The following ZSWIM5 variants were observed in gnomAD, a reference collection of about 807,000 sequenced individuals.
The protein encoded by ZSWIM5 is zinc finger SWIM domain-containing protein 5.
Under a neutral mutation model 119.6 loss-of-function variants are expected in ZSWIM5, and 55 were observed. The ratio of observed to expected loss-of-function variants is 0.46; its 90% CI spans 0.37 to 0.58. The LOEUF (loss-of-function observed/expected upper bound fraction) is 0.58. ZSWIM5 is among the 20% of genes least tolerant of loss of function. ZSWIM5 has a pLI of 0.00. For missense variants in ZSWIM5, 1,193 were observed against 1,512.8 expected (o/e 0.79, Z 3.51); for synonymous variants, 537 against 606.9 (o/e 0.88, Z 1.69).
chr1:45,091,491 TAAAAAA>T (rs35089745), intron 1 of ZSWIM5, among the ~76,000 whole-genome samples: 78 of 104,320 alleles, frequency 7.5e-4, no homozygotes, highest in African/African-American at 2.9e-3. Context: ...ACCCTGTCTC[TAAAAAA>T]AAAAAAAAAA....
chr1:45,108,342 T>TG (rs149398201), intron 1 of ZSWIM5, among the ~76,000 whole-genome samples: 9,539 of 152,110 alleles, frequency 0.063, 349 homozygotes, highest in East Asian at 0.11. Flanking sequence ...GGGAGGACAG[T>TG]GGGGGAGGGG....
At chr1:45,199,154 G>A (rs1398260102) in intron 1 of ZSWIM5, among the ~76,000 whole-genome samples, 1 of 151,626 alleles carries the variant, frequency 6.6e-6, no homozygotes, top group African/African-American at 2.4e-5. Context: ...AACCATTTTA[G>A]TGTGTGTGTA....
chr1:45,076,764 A>G (rs1202700466), intron 2 of ZSWIM5, among the ~76,000 whole-genome samples: 2 of 152,030 alleles, frequency 1.3e-5, no homozygotes, highest in African/African-American at 4.8e-5. Flanking sequence ...GCTATATTCT[A>G]GATCTTGTAG....
chr1:45,110,012 ACAC>A (rs1467144063), intron 1 of ZSWIM5, among the ~76,000 whole-genome samples: 1 of 151,984 alleles, frequency 6.6e-6, no homozygotes, highest in Admixed American at 6.6e-5. Context: ...CCACAGATGC[ACAC>A]CACCACACCT....
At chr1:45,126,208 C>A (rs1186833920) in intron 1 of ZSWIM5, among the ~76,000 whole-genome samples, 2 of 142,870 alleles carry the variant, frequency 1.4e-5, no homozygotes, top group Non-Finnish European at 1.5e-5. Context: ...AGAAGAAATC[C>A]ATGAAACTGA....
At chr1:45,063,596 C>G (rs994510849) in intron 2 of ZSWIM5, among the ~76,000 whole-genome samples, 3 of 152,174 alleles carry the variant, frequency 2.0e-5, no homozygotes, top group African/African-American at 7.2e-5. Context: ...TGGCTTATGA[C>G]ATTCTTTTCC....
At chr1:45,052,305 C>T (rs1016149646) in intron 4 of ZSWIM5, among the ~76,000 whole-genome samples, 4 of 152,110 alleles carry the variant, frequency 2.6e-5, no homozygotes, top group South Asian at 4.2e-4. Flanking sequence ...GGATTACAGG[C>T]GTGAGCCACC....
intron 1 of ZSWIM5, among the ~76,000 whole-genome samples, chr1:45,185,373 T>C (rs1646051488): frequency 6.6e-6 from 1 of 151,260 alleles, no homozygotes; most frequent in Non-Finnish European, 1.5e-5. Context: ...CCAAAAGCAA[T>C]GGCAACAAAA....
chr1:45,147,584 C>CAAAAAAAAA (rs11409330), intron 1 of ZSWIM5, among the ~76,000 whole-genome samples: 1 of 93,318 alleles, frequency 1.1e-5, no homozygotes, highest in Non-Finnish European at 1.9e-5. Context: ...TTTACACATG[C>CAAAAAAAAA]AAAAAAAAAA....
At chr1:45,059,518 GAC>G (rs1645141242) in intron 3 of ZSWIM5, among the ~76,000 whole-genome samples, 1 of 152,122 alleles carries the variant, frequency 6.6e-6, no homozygotes, top group South Asian at 2.1e-4. Context: ...AGACATAGAG[GAC>G]AAGGGAGGGA....
chr1:45,136,716 T>C (rs1645692683), intron 1 of ZSWIM5, among the ~76,000 whole-genome samples: 1 of 152,178 alleles, frequency 6.6e-6, no homozygotes, highest in African/African-American at 2.4e-5. Flanking sequence ...GCAATTAAGC[T>C]AAAGGAAGAT....
chr1:45,183,900 G>A (rs1466910348), intron 1 of ZSWIM5, among the ~76,000 whole-genome samples: 2 of 152,216 alleles, frequency 1.3e-5, no homozygotes, highest in African/African-American at 4.8e-5. Context: ...CTCATTTTAT[G>A]AGGCCAGCAT....
chr1:45,062,697 G>A (rs1382737656), intron 2 of ZSWIM5, among the ~76,000 whole-genome samples: 1 of 152,012 alleles, frequency 6.6e-6, no homozygotes, highest in East Asian at 1.9e-4. Flanking sequence ...TGTAGAGATA[G>A]GGTCTTGCTA....
intron 1 of ZSWIM5, among the ~76,000 whole-genome samples, chr1:45,139,463 C>CCTCT (rs1553197877): frequency 7.8e-4 from 111 of 141,596 alleles, no homozygotes; most frequent in Admixed American, 1.9e-3. Flanking sequence ...CCTCTCCCTC[C>CCTCT]CTCTCTCTCT....
intron 1 of ZSWIM5, among the ~76,000 whole-genome samples, chr1:45,177,936 T>C (rs1645990908): frequency 6.6e-6 from 1 of 151,728 alleles, no homozygotes; most frequent in South Asian, 2.1e-4. Flanking sequence ...TCCACAAGGG[T>C]GTTGGCCAGG....
At chr1:45,099,333 C>T (rs1645423407) in intron 1 of ZSWIM5, among the ~76,000 whole-genome samples, 1 of 152,186 alleles carries the variant, frequency 6.6e-6, no homozygotes, top group Non-Finnish European at 1.5e-5. Context: ...CATACACCTT[C>T]CCAAGACTAA....
intron 1 of ZSWIM5, among the ~76,000 whole-genome samples, chr1:45,118,268 T>C (rs1645570788): frequency 6.6e-6 from 1 of 152,196 alleles, no homozygotes; most frequent in African/African-American, 2.4e-5. Context: ...AAGATGATTA[T>C]TTTTCTCCTC....
intron 4 of ZSWIM5, among the ~76,000 whole-genome samples, chr1:45,054,353 C>T (rs765098817): frequency 7.2e-5 from 11 of 151,898 alleles, no homozygotes; most frequent in African/African-American, 1.2e-4. Context: ...GAGGCCGAGG[C>T]AGGTGGATCA....
At chr1:45,036,449 G>A (rs568190551) in intron 8 of ZSWIM5, 150 bp from the exon 9 acceptor site, 69 of 1,121,728 alleles carry the variant, frequency 6.2e-5, no homozygotes, top group African/African-American at 3.2e-5. Flanking sequence ...CCGCCTCCCC[G>A]GTTCAAGCGA....
Sources: gnomAD v4.1 joint callset for allele counts (sites outside exome capture counted in the v4.1 genomes callset) on GRCh38, gnomAD v4.1.1 for gene constraint, MANE v1.5 for transcripts, NCBI Gene and HGNC (gene_info 2026-07-23, HGNC 2026-07-21) for gene names.